Variants in SCARA5 observed in about 807,000 individuals in gnomAD.
SCARA5 encodes scavenger receptor class A member 5, also known as scavenger receptor class A, member 5 (putative).
Under a neutral mutation model 46.3 loss-of-function variants are expected in SCARA5, and 45 were observed. The observed-to-expected ratio is 0.97, with a 90% CI of 0.76 to 1.24. The LOEUF (loss-of-function observed/expected upper bound fraction) is 1.24, where lower values mean the gene tolerates loss of function less well. Among genes scored for constraint, SCARA5 ranks in the 50% most tolerant of loss-of-function variants. The probability of loss-of-function intolerance (pLI) is 0.00; values close to 1 mark genes in which losing one functional copy is unlikely to be tolerated. For synonymous variants in SCARA5, 333 were observed against 306.5 expected (o/e 1.09, Z -0.90); for missense variants, 680 against 689.0 (o/e 0.99, Z 0.15).
At position 27,904,786 on chromosome 8, in the gene SCARA5, C is replaced by T. The variant is rs1292878810; in HGVS notation, c.1145G>A (p.Gly382Glu). The change falls in exon 7 of 9, where the codon GGG (glycine) becomes GAG (glutamate). Residue 382 changes from glycine to glutamate, a missense_variant. Coordinates refer to ENST00000354914, the MANE Select transcript of SCARA5 (RefSeq NM_173833.6). ...CAGCAGAATGTCCTTACTGGCATCC[C>T]CAGCTCTGTCTCCTTTCTCTCCTTT... ...GEKGEKGDRA[G>E]DASGVEAPMM... The T allele has an allele frequency of 6.2e-7, 1 of 1,613,892 alleles. No individual in the cohort carries two copies. Among genetic ancestry groups the T allele is most frequent in the Non-Finnish European group, 8.5e-7 (1 of 1,179,862 alleles).
rs143250393 is a variant in SCARA5 at position 27,928,717 on chromosome 8, G to T, written c.242-6472C>A. Among the ~76,000 whole-genome samples, 62 of 152,098 alleles carry T rather than the reference G, an allele frequency of 4.1e-4. 1 individual carries two copies. In the East Asian group the frequency reaches 4.6e-3, roughly 11 times the overall value. ...GTTTTGCTTTGTTGCTCAGGCTGGA[G>T]TGGAGTGGCATGATCTCGGCTCACT... On this transcript the variant is annotated intron_variant, in intron 3 of 8. Coordinates refer to ENST00000354914, the MANE Select transcript of SCARA5 (RefSeq NM_173833.6).
rs542459743 is a variant in SCARA5 at position 27,936,503 on chromosome 8, C to T, written c.242-14258G>A. 8.2e-5 allele frequency among the ~76,000 whole-genome samples: 12 copies of T among 146,600 alleles called. 1 individual carries two copies. The highest frequency in any genetic ancestry group is 3.0e-4 in the African/African-American group (12 of 40,054). On this transcript the variant is annotated intron_variant, in intron 3 of 8. Coordinates refer to ENST00000354914, the MANE Select transcript of SCARA5 (RefSeq NM_173833.6). ...ATTCGGGAGGCTGAGGCAGGAGAAT[C>T]GCTTGAACCCGGGAGGCAGAGGTTG...
chr8:27,974,808 C>G (rs1212546055), intron 2 of SCARA5, among the ~76,000 whole-genome samples: 1 of 151,898 alleles, frequency 6.6e-6, no homozygotes, highest in Non-Finnish European at 1.5e-5. Context: ...CACCTGAGTC[C>G]TGCCTGGAGT....
intron 2 of SCARA5, among the ~76,000 whole-genome samples, chr8:27,980,669 C>T (rs1808600763): frequency 6.6e-6 from 1 of 152,202 alleles, no homozygotes; most frequent in African/African-American, 2.4e-5. Flanking sequence ...GAAACACATC[C>T]CTTGGCTCTT....
At chr8:27,920,927 G>A (rs1807572730) in intron 4 of SCARA5, among the ~76,000 whole-genome samples, 2 of 152,184 alleles carry the variant, frequency 1.3e-5, no homozygotes, top group South Asian at 4.1e-4. Context: ...AGTGAGCTGA[G>A]ATCAAGCCAC....
intron 7 of SCARA5, among the ~76,000 whole-genome samples, chr8:27,902,694 T>A (rs1807176733): frequency 6.6e-6 from 1 of 152,136 alleles, no homozygotes; most frequent in Non-Finnish European, 1.5e-5. Flanking sequence ...TCAGCTACCT[T>A]GGCAGCATTC....
chr8:27,983,677 C>T (rs28526568), intron 2 of SCARA5, among the ~76,000 whole-genome samples: 5 of 152,014 alleles, frequency 3.3e-5, no homozygotes, highest in Non-Finnish European at 7.4e-5. Context: ...CAGTCCTGAC[C>T]TCTCCGGTCT....
intron 3 of SCARA5, among the ~76,000 whole-genome samples, chr8:27,929,298 A>T (rs187558361): frequency 6.7e-6 from 1 of 149,046 alleles, no homozygotes; most frequent in Non-Finnish European, 1.5e-5. Context: ...CTTTATGTCC[A>T]TGAAAAAAAT....
At chr8:27,876,195 T>G (rs1214471911) in intron 8 of SCARA5, among the ~76,000 whole-genome samples, 1 of 152,126 alleles carries the variant, frequency 6.6e-6, no homozygotes, top group Non-Finnish European at 1.5e-5. Flanking sequence ...CAAGATCTCC[T>G]TTAGCATTTA....
chr8:27,965,638 G>A (rs553163681), intron 3 of SCARA5, among the ~76,000 whole-genome samples: 2 of 152,364 alleles, frequency 1.3e-5, no homozygotes, highest in South Asian at 4.1e-4. Flanking sequence ...GTACTCATGT[G>A]AGACATGTTG....
At chr8:27,917,776 A>G (rs1022371993) in intron 4 of SCARA5, among the ~76,000 whole-genome samples, 35 of 152,206 alleles carry the variant, frequency 2.3e-4, no homozygotes, top group Admixed American at 2.3e-3. Context: ...TTGTTATTTA[A>G]TACTATTAGT....
At chr8:27,921,548 AG>A (rs751366893) in intron 4 of SCARA5, 22 bp downstream of exon 4, 1 of 1,524,084 alleles carries the variant, frequency 6.6e-7, no homozygotes, top group Non-Finnish European at 8.8e-7. Flanking sequence ...CCGTGGGTGG[AG>A]GCAGCAAGGG....
At chr8:27,895,007 C>A (rs944898870) in intron 7 of SCARA5, among the ~76,000 whole-genome samples, 5 of 152,112 alleles carry the variant, frequency 3.3e-5, no homozygotes, top group African/African-American at 4.8e-5. Flanking sequence ...GACCTAAAGT[C>A]CAGGGAACTT....
At chr8:27,934,644 T>C (rs1807826614) in intron 3 of SCARA5, among the ~76,000 whole-genome samples, 1 of 152,222 alleles carries the variant, frequency 6.6e-6, no homozygotes. Context: ...ACCTGGGCTG[T>C]GACTGGGTCA....
chr8:27,972,000 T>C (rs933217995), intron 2 of SCARA5, among the ~76,000 whole-genome samples: 2 of 152,152 alleles, frequency 1.3e-5, no homozygotes, highest in African/African-American at 4.8e-5. Flanking sequence ...AGTGGAAAAT[T>C]AGTATCTTCC....
chr8:27,981,767 C>T (rs767457189), intron 2 of SCARA5, among the ~76,000 whole-genome samples: 13 of 152,226 alleles, frequency 8.5e-5, no homozygotes, highest in Admixed American at 2.6e-4. Flanking sequence ...CTGGCTCCCC[C>T]GGGGACCACA....
At chr8:27,944,705 G>A (rs1334881703) in intron 3 of SCARA5, among the ~76,000 whole-genome samples, 168 of 138,754 alleles carry the variant, frequency 1.2e-3, no homozygotes, top group Middle Eastern at 3.7e-3. Flanking sequence ...TGTAAAAATA[G>A]AAAAAAAAAA....
intron 2 of SCARA5, among the ~76,000 whole-genome samples, chr8:27,970,661 C>A (rs1039908798): frequency 6.6e-6 from 1 of 152,172 alleles, no homozygotes; most frequent in Non-Finnish European, 1.5e-5. Flanking sequence ...CCGTGCACTG[C>A]CACTTCAATA....
chr8:27,931,532 C>T (rs1032828189), intron 3 of SCARA5, among the ~76,000 whole-genome samples: 9 of 152,034 alleles, frequency 5.9e-5, no homozygotes, highest in Non-Finnish European at 1.2e-4. Context: ...GCTCTAGGCA[C>T]CTATAAGTAT....
Sources: allele counts gnomAD v4.1 joint callset (sites outside exome capture counted in the v4.1 genomes callset), GRCh38; gene constraint gnomAD v4.1.1; transcripts MANE v1.5; gene names NCBI Gene and HGNC (gene_info 2026-07-23, HGNC 2026-07-21).